Variants in SKAP2 observed in about 807,000 individuals in gnomAD.
The protein encoded by SKAP2 is src kinase associated phosphoprotein 2.
Under a neutral mutation model 54.9 loss-of-function variants are expected in SKAP2, and 28 were observed. That is an observed-to-expected ratio of 0.51 (90% CI 0.38 to 0.70). SKAP2 has a LOEUF of 0.70. Among genes scored for constraint, SKAP2 ranks in the 30% least tolerant of loss-of-function variants. SKAP2 has a pLI of 0.00. For synonymous variants in SKAP2, 137 were observed against 134.3 expected (o/e 1.02, Z -0.14); for missense variants, 356 against 424.1 (o/e 0.84, Z 1.41).
intron 11 of SKAP2, among the ~76,000 whole-genome samples, chr7:26,682,947 C>T (rs762330876): frequency 4.6e-5 from 7 of 152,178 alleles, no homozygotes; most frequent in Non-Finnish European, 7.4e-5. Context: ...ACAGCCAGTT[C>T]TGGAAGCCGG....
At chr7:26,738,337 T>C (rs1306260812) in intron 6 of SKAP2, among the ~76,000 whole-genome samples, 1 of 152,206 alleles carries the variant, frequency 6.6e-6, no homozygotes, top group Non-Finnish European at 1.5e-5. Flanking sequence ...GTAAATTCTA[T>C]GTACACGTTT....
intron 1 of SKAP2, 88 bp downstream of exon 1, chr7:26,864,275 T>C: frequency 6.6e-7 from 1 of 1,513,036 alleles, no homozygotes; most frequent in Non-Finnish European, 9.1e-7. Flanking sequence ...GGAGGGAGGA[T>C]AAGGGCTCTG....
At chr7:26,823,859 G>T (rs946886393) in intron 4 of SKAP2, among the ~76,000 whole-genome samples, 2 of 152,186 alleles carry the variant, frequency 1.3e-5, no homozygotes, top group Non-Finnish European at 2.9e-5. Context: ...GAAGGGATGA[G>T]GAGTTGCTTC....
At chr7:26,743,930 T>A (rs950468378) in intron 4 of SKAP2, among the ~76,000 whole-genome samples, 1 of 152,176 alleles carries the variant, frequency 6.6e-6, no homozygotes, top group African/African-American at 2.4e-5. Context: ...ATAAGGTAAC[T>A]GATTCTAAAA....
intron 4 of SKAP2, among the ~76,000 whole-genome samples, chr7:26,783,573 C>T (rs1401971528): frequency 6.6e-6 from 1 of 152,148 alleles, no homozygotes; most frequent in Non-Finnish European, 1.5e-5. Flanking sequence ...GGATGCCTCC[C>T]TCTGGATTGG....
chr7:26,772,688 T>A (rs1783213316), intron 4 of SKAP2, among the ~76,000 whole-genome samples: 1 of 152,258 alleles, frequency 6.6e-6, no homozygotes, highest in Admixed American at 6.5e-5. Context: ...TATGCAGCAC[T>A]TTACAAAGCA....
At chr7:26,766,426 AT>A (rs1421785926) in intron 4 of SKAP2, among the ~76,000 whole-genome samples, 1 of 152,154 alleles carries the variant, frequency 6.6e-6, no homozygotes, top group Non-Finnish European at 1.5e-5. Context: ...AACAGAGACA[AT>A]TTTACTTCCT....
intron 11 of SKAP2, among the ~76,000 whole-genome samples, chr7:26,674,301 ATTC>A (rs1040940306): frequency 6.6e-6 from 1 of 152,186 alleles, no homozygotes; most frequent in Non-Finnish European, 1.5e-5. Flanking sequence ...TTTTCCAAGT[ATTC>A]TTCATTGTGA....
At chr7:26,736,730 G>A (rs1246063154) in intron 6 of SKAP2, among the ~76,000 whole-genome samples, 2 of 152,072 alleles carry the variant, frequency 1.3e-5, no homozygotes, top group Non-Finnish European at 2.9e-5. Flanking sequence ...ATGACAGAAA[G>A]GGCTAAATGG....
At chr7:26,860,287 G>A (rs1785249979) in intron 1 of SKAP2, among the ~76,000 whole-genome samples, 1 of 151,980 alleles carries the variant, frequency 6.6e-6, no homozygotes, top group South Asian at 2.1e-4. Context: ...ACTTAAAATA[G>A]GCAAATAATT....
At chr7:26,682,249 A>G (rs1478580960) in intron 11 of SKAP2, among the ~76,000 whole-genome samples, 3 of 152,216 alleles carry the variant, frequency 2.0e-5, no homozygotes, top group African/African-American at 7.2e-5. Flanking sequence ...AGGCCAAGTC[A>G]ATAAAGACTA....
At chr7:26,849,657 C>T (rs1784998056) in intron 3 of SKAP2, among the ~76,000 whole-genome samples, 1 of 148,468 alleles carries the variant, frequency 6.7e-6, no homozygotes. Context: ...TGCACTCCAG[C>T]CTGGGTGCGA....
intron 9 of SKAP2, among the ~76,000 whole-genome samples, chr7:26,700,138 G>T (rs554136792): frequency 2.7e-4 from 41 of 152,212 alleles, no homozygotes; most frequent in African/African-American, 9.4e-4. Flanking sequence ...TGAAAATAAA[G>T]CCCTAAGGTA....
At chr7:26,686,228 G>C (rs191482304) in intron 10 of SKAP2, among the ~76,000 whole-genome samples, 5 of 152,142 alleles carry the variant, frequency 3.3e-5, no homozygotes, top group Admixed American at 3.3e-4. Flanking sequence ...GCTACTTTTT[G>C]CTTATAAGAA....
downstream of SKAP2, among the ~76,000 whole-genome samples, chr7:26,665,974 T>TTA (rs984770417): frequency 1.2e-4 from 18 of 148,718 alleles, no homozygotes; most frequent in East Asian, 3.9e-4. Context: ...TGTTTTTATT[T>TTA]TATATATATA....
chr7:26,776,174 A>C (rs1783303758), intron 4 of SKAP2, among the ~76,000 whole-genome samples: 1 of 152,068 alleles, frequency 6.6e-6, no homozygotes, highest in South Asian at 2.1e-4. Flanking sequence ...ACAGTTTTTC[A>C]GTCTACTTTT....
At chr7:26,845,664 C>A (rs999854953) in intron 3 of SKAP2, among the ~76,000 whole-genome samples, 1 of 152,180 alleles carries the variant, frequency 6.6e-6, no homozygotes, top group Non-Finnish European at 1.5e-5. Context: ...GGTGGCAGTG[C>A]TCACGCCTGT....
the SKAP2 span, among the ~76,000 whole-genome samples, chr7:26,657,986 T>C: frequency 1.3e-5 from 2 of 152,046 alleles, no homozygotes; most frequent in Non-Finnish European, 2.9e-5. Flanking sequence ...TCTTCCCAAA[T>C]ATTATTTGTA....
intron 11 of SKAP2, among the ~76,000 whole-genome samples, chr7:26,670,521 G>A (rs1258685610): frequency 6.6e-6 from 1 of 152,014 alleles, no homozygotes; most frequent in Non-Finnish European, 1.5e-5. Flanking sequence ...TACCTTTCAT[G>A]TGTAAGAGGC....
Sources: gnomAD v4.1 joint callset for allele counts (sites outside exome capture counted in the v4.1 genomes callset) on GRCh38, gnomAD v4.1.1 for gene constraint, MANE v1.5 for transcripts, NCBI Gene and HGNC (gene_info 2026-07-23, HGNC 2026-07-21) for gene names.